Variants in LYRM4 observed in about 807,000 individuals in gnomAD.
LYRM4 encodes LYR motif-containing protein 4.
In LYRM4, 9 loss-of-function variants were observed where a neutral mutation model predicts 11.7. That is an observed-to-expected ratio of 0.77 (90% confidence interval 0.46 to 1.34). The LOEUF (loss-of-function observed/expected upper bound fraction) is 1.34. Among genes scored for constraint, LYRM4 ranks in the 40% most tolerant of loss-of-function variants. The pLI, the probability that LYRM4 is intolerant of heterozygous loss-of-function variation, is 0.00. For synonymous variants in LYRM4, 42 were observed against 40.4 expected (o/e 1.04, Z -0.15); for missense variants, 133 against 112.5 (o/e 1.18, Z -0.82).
At chr6:5,188,382 G>C (rs1025311671) in intron 2 of LYRM4, among the ~76,000 whole-genome samples, 16 of 149,244 alleles carry the variant, frequency 1.1e-4, no homozygotes, top group African/African-American at 4.1e-4. Flanking sequence ...AAAAAAAAAA[G>C]AGAGAGAATG....
At chr6:5,218,624 C>G (rs112014429) in intron 1 of LYRM4, among the ~76,000 whole-genome samples, 55 of 152,284 alleles carry the variant, frequency 3.6e-4, no homozygotes, top group Middle Eastern at 3.4e-3. Context: ...TGTGAACCAG[C>G]TGGAGTATTT....
chr6:5,115,662 G>A (rs1476309069), intron 2 of LYRM4, among the ~76,000 whole-genome samples: 1 of 152,074 alleles, frequency 6.6e-6, no homozygotes, highest in African/African-American at 2.4e-5. Flanking sequence ...ATAAAGAACT[G>A]GGGGGCAATC....
intron 2 of LYRM4, among the ~76,000 whole-genome samples, chr6:5,193,309 CA>C (rs377530249): frequency 8.2e-5 from 12 of 145,882 alleles, no homozygotes; most frequent in South Asian, 2.2e-4. Flanking sequence ...AACCAGAAAA[CA>C]AAAAAAAAAC....
chr6:5,216,750 C>T lies in LYRM4; in HGVS notation c.87-12G>A, dbSNP rs939724579. On this transcript the variant is annotated splice_polypyrimidine_tract_variant and intron_variant, in intron 1 of 2. Transcript: ENST00000330636. ...TGACAGCATATGTTCTAAATGAATT[C>T]AGAGGAAAAAAAAGAAAAGGTGTCA... 1.8e-5 allele frequency: 29 copies of T among 1,603,266 alleles called. No individual in the cohort carries two copies. Among genetic ancestry groups the T allele is most frequent in the Non-Finnish European group, 2.3e-5 (27 of 1,177,936 alleles).
chr6:5,172,338 G>A (rs1025301906), intron 2 of LYRM4, among the ~76,000 whole-genome samples: 4 of 152,192 alleles, frequency 2.6e-5, no homozygotes, highest in East Asian at 3.8e-4. Flanking sequence ...CCAAAAAAAG[G>A]AGCTGAGGAG....
intron 1 of LYRM4, among the ~76,000 whole-genome samples, chr6:5,244,549 C>T (rs1764053998): frequency 1.3e-5 from 2 of 152,252 alleles, no homozygotes; most frequent in South Asian, 4.2e-4. Context: ...AGAGACTCCT[C>T]TCTGGGCTAG....
intron 1 of LYRM4, 137 bp from the exon 2 acceptor site, chr6:5,216,875 G>A (rs1581526936): frequency 8.5e-6 from 9 of 1,058,196 alleles, no homozygotes; most frequent in South Asian, 3.4e-5. Flanking sequence ...ATCTTTGCTC[G>A]TGGCGCAGGC....
At chr6:5,035,085 T>G in the LYRM4 span, among the ~76,000 whole-genome samples, 2 of 152,066 alleles carry the variant, frequency 1.3e-5, no homozygotes, top group East Asian at 3.9e-4. Context: ...AAATGGTGTT[T>G]CAGCTGATGA....
chr6:5,098,852 C>T (rs765811654), downstream of LYRM4, among the ~76,000 whole-genome samples: 1 of 152,172 alleles, frequency 6.6e-6, no homozygotes, highest in African/African-American at 2.4e-5. Context: ...GGATGTGATG[C>T]CACTTTCCTG....
chr6:5,138,248 C>G (rs542709656), intron 2 of LYRM4, among the ~76,000 whole-genome samples: 26 of 152,064 alleles, frequency 1.7e-4, no homozygotes, highest in African/African-American at 6.3e-4. Flanking sequence ...CTTTGGGAGG[C>G]CAAGATGGGC....
At chr6:5,260,598 T>TGCCCCGGCCCCCGGCCCCCCCCC in intron 1 of LYRM4, 50 bp downstream of exon 1, 1 of 1,105,566 alleles carries the variant, frequency 9.0e-7, no homozygotes, top group Non-Finnish European at 1.3e-6. Flanking sequence ...GCACCCCCGG[T>TGCCCCGGCCCCCGGCCCCCCCCC]CCCCGGCCCC....
intron 2 of LYRM4, among the ~76,000 whole-genome samples, chr6:5,172,955 G>C (rs1361043861): frequency 6.6e-6 from 1 of 152,178 alleles, no homozygotes; most frequent in Admixed American, 6.5e-5. Flanking sequence ...AAGCTGAAGA[G>C]CAGCTTCTTC....
At chr6:5,129,778 G>A (rs899496388) in intron 2 of LYRM4, among the ~76,000 whole-genome samples, 2 of 152,160 alleles carry the variant, frequency 1.3e-5, no homozygotes, top group African/African-American at 2.4e-5. Context: ...AAAATGTAAT[G>A]TATCTTACTG....
downstream of LYRM4, chr6:5,106,536 A>T (rs995304794): frequency 3.3e-5 from 5 of 152,230 alleles, no homozygotes; most frequent in African/African-American, 4.8e-5. Flanking sequence ...GGTCACTGCT[A>T]CTTAGTTAGC....
At chr6:5,245,553 G>A (rs1764159394) in intron 1 of LYRM4, among the ~76,000 whole-genome samples, 1 of 152,084 alleles carries the variant, frequency 6.6e-6, no homozygotes, top group African/African-American at 2.4e-5. Context: ...GACAAGAGAG[G>A]GGCTGCCATA....
At chr6:5,056,048 C>G in the LYRM4 span, among the ~76,000 whole-genome samples, 5 of 152,036 alleles carry the variant, frequency 3.3e-5, no homozygotes, top group South Asian at 4.2e-4. Context: ...GTTGCCCAGG[C>G]TGAAATGCAG....
intron 1 of LYRM4, among the ~76,000 whole-genome samples, chr6:5,252,593 C>A (rs2753239): frequency 0.25 from 38,576 of 152,064 alleles, 5,640 homozygotes; most frequent in African/African-American, 0.4. Context: ...TTCTTCCCAC[C>A]GTTTTCTCTC....
At chr6:5,180,307 C>A (rs1227795271) in intron 2 of LYRM4, among the ~76,000 whole-genome samples, 4 of 152,180 alleles carry the variant, frequency 2.6e-5, no homozygotes. Context: ...TCTTCCTAAG[C>A]GTGTGACTGT....
chr6:5,056,853 C>G, the LYRM4 span, among the ~76,000 whole-genome samples: 11 of 152,206 alleles, frequency 7.2e-5, no homozygotes, highest in East Asian at 3.9e-4. Context: ...ATCCATTGTT[C>G]AAGTAAAAAA....
Sources: allele counts gnomAD v4.1 joint callset (sites outside exome capture counted in the v4.1 genomes callset), GRCh38; gene constraint gnomAD v4.1.1; transcripts MANE v1.5; gene names NCBI Gene and HGNC (gene_info 2026-07-23, HGNC 2026-07-21).